Variants in UBE2H observed in about 807,000 individuals in gnomAD.
UBE2H encodes the protein ubiquitin-conjugating enzyme E2 H.
A neutral mutation model predicts 29.0 loss-of-function variants in UBE2H; 3 were observed. That is an observed-to-expected ratio of 0.10 (90% CI 0.05 to 0.27). The LOEUF (loss-of-function observed/expected upper bound fraction) is 0.27, where lower values mean the gene tolerates loss of function less well. Ranked by LOEUF, UBE2H falls within the 10% of genes least tolerant of loss-of-function variation. The pLI is 1.00. For synonymous variants in UBE2H, 69 were observed against 82.9 expected, an observed-to-expected ratio of 0.83 and a Z score of 0.91; for missense variants, 68 against 228.2, an observed-to-expected ratio of 0.30 and a Z score of 4.52.
chr7:129,868,791 T>C (rs978201764), intron 3 of UBE2H, among the ~76,000 whole-genome samples: 1 of 152,122 alleles, frequency 6.6e-6, no homozygotes, highest in Non-Finnish European at 1.5e-5. Flanking sequence ...AGGTTTCACA[T>C]TAAAAGGGCC....
intron 3 of UBE2H, among the ~76,000 whole-genome samples, chr7:129,872,363 G>C (rs948112561): frequency 1.3e-5 from 2 of 151,998 alleles, no homozygotes; most frequent in Non-Finnish European, 2.9e-5. Context: ...AGATAAAATG[G>C]TAAGTATTCT....
At chr7:129,944,744 A>G (rs574850401) in intron 1 of UBE2H, among the ~76,000 whole-genome samples, 2,892 of 138,564 alleles carry the variant, frequency 0.021, 94 homozygotes, top group African/African-American at 0.072. Flanking sequence ...ACACACACAC[A>G]CACACACGCA....
At chr7:129,837,094 C>T (rs373333550) in intron 6 of UBE2H, among the ~76,000 whole-genome samples, 2 of 152,106 alleles carry the variant, frequency 1.3e-5, no homozygotes, top group African/African-American at 4.8e-5. Flanking sequence ...TAATACAGCG[C>T]CAACTAAATA....
intron 1 of UBE2H, among the ~76,000 whole-genome samples, chr7:129,893,821 C>T (rs1392889144): frequency 2.6e-5 from 4 of 152,240 alleles, no homozygotes; most frequent in Non-Finnish European, 2.9e-5. Context: ...AGTATATTAG[C>T]TAAATAGTAT....
chr7:129,950,328 A>G (rs1807848837), intron 1 of UBE2H, among the ~76,000 whole-genome samples: 1 of 152,198 alleles, frequency 6.6e-6, no homozygotes, highest in African/African-American at 2.4e-5. Context: ...AAAGAACAGA[A>G]GGCCAATGCA....
intron 3 of UBE2H, among the ~76,000 whole-genome samples, chr7:129,874,509 C>T (rs1806106222): frequency 6.6e-6 from 1 of 152,098 alleles, no homozygotes; most frequent in Non-Finnish European, 1.5e-5. Context: ...CGGGGTTTCA[C>T]TGTGTTAGCC....
intron 2 of UBE2H, among the ~76,000 whole-genome samples, chr7:129,879,983 A>G (rs780845905): frequency 1.1e-4 from 17 of 152,124 alleles, no homozygotes; most frequent in Non-Finnish European, 2.1e-4. Context: ...CAAAAAGAAA[A>G]CAACAAAAAA....
chr7:129,946,511 C>T (rs936912298), intron 1 of UBE2H, among the ~76,000 whole-genome samples: 1 of 152,068 alleles, frequency 6.6e-6, no homozygotes, highest in African/African-American at 2.4e-5. Context: ...CATTTAAGGC[C>T]AACAGTTCTT....
At chr7:129,941,719 G>C (rs1172367784) in intron 1 of UBE2H, among the ~76,000 whole-genome samples, 1 of 134,506 alleles carries the variant, frequency 7.4e-6, no homozygotes, top group Admixed American at 8.3e-5. Flanking sequence ...TTACAAGCAT[G>C]AGCCACTGAA....
chr7:129,838,859 G>T (rs999728446), intron 6 of UBE2H, among the ~76,000 whole-genome samples: 1 of 152,110 alleles, frequency 6.6e-6, no homozygotes, highest in African/African-American at 2.4e-5. Context: ...GGCTGGTCTC[G>T]ATCTCCTGAC....
chr7:129,948,911 C>A, intron 1 of UBE2H: 1 of 397,918 alleles, frequency 2.5e-6, no homozygotes, highest in Middle Eastern at 3.5e-4. Context: ...AGAGGGCCTC[C>A]CCAGCCCCCA....
At chr7:129,838,577 T>C (rs569478902) in intron 6 of UBE2H, among the ~76,000 whole-genome samples, 1 of 152,324 alleles carries the variant, frequency 6.6e-6, no homozygotes, top group East Asian at 1.9e-4. Context: ...CTTTTCACTA[T>C]GAAAGTTCTG....
Position 129,834,426 on chromosome 7 carries a change from CA to C in UBE2H, c.*510del, listed in dbSNP as rs1469271984. Reference sequence around the variant, plus strand: ...AAGACATAGGGCCACCTAGGATTCACAGGAAGGAGCAGCTCTGATTCTTACA... The same window carrying C: ...AAGACATAGGGCCACCTAGGATTCACGGAAGGAGCAGCTCTGATTCTTACA... On this transcript the variant is annotated 3_prime_UTR_variant, in exon 7 of 7. Coordinates refer to ENST00000355621, the MANE Select transcript of UBE2H (RefSeq NM_003344.4). 1 of 153,188 alleles carries C rather than the reference CA, an allele frequency of 6.5e-6. No individual in the cohort carries two copies. The highest frequency in any genetic ancestry group is 6.5e-5 in the Admixed American group (1 of 15,310). The allele number at this position is 153,188 out of a possible 1,614,324, so 9.5% of individuals were successfully genotyped here. A position where few individuals can be genotyped will look rare whatever the true frequency, so the allele number is the denominator to read the frequency against.
chr7:129,894,545 T>C (rs1014683306), intron 1 of UBE2H, among the ~76,000 whole-genome samples: 3 of 145,790 alleles, frequency 2.1e-5, no homozygotes, highest in Admixed American at 7.2e-5. Flanking sequence ...TGGAGTGCAA[T>C]GGCATGATCT....
intron 5 of UBE2H, among the ~76,000 whole-genome samples, chr7:129,847,818 T>C (rs1584741255): frequency 6.6e-6 from 1 of 152,076 alleles, no homozygotes; most frequent in Non-Finnish European, 1.5e-5. Flanking sequence ...AGGGAGTAGG[T>C]TGACTCTAAC....
intron 1 of UBE2H, among the ~76,000 whole-genome samples, chr7:129,890,358 C>T (rs1364651121): frequency 6.6e-6 from 1 of 151,058 alleles, no homozygotes; most frequent in Non-Finnish European, 1.5e-5. Context: ...TGTATATATA[C>T]ACATATATAT....
chr7:129,944,749 C>T (rs1253868123), intron 1 of UBE2H, among the ~76,000 whole-genome samples: 13 of 107,908 alleles, frequency 1.2e-4, no homozygotes, highest in African/African-American at 6.1e-4. Context: ...CACACACACA[C>T]ACGCACGCAC....
intron 5 of UBE2H, among the ~76,000 whole-genome samples, chr7:129,844,229 T>C (rs1019231888): frequency 3.3e-5 from 5 of 152,138 alleles, no homozygotes; most frequent in Non-Finnish European, 5.9e-5. Flanking sequence ...AGATGACAAC[T>C]TCGGGAGGCC....
intron 1 of UBE2H, among the ~76,000 whole-genome samples, chr7:129,934,638 TAAAA>T (rs758214225): frequency 1.7e-4 from 11 of 65,840 alleles, no homozygotes; most frequent in Admixed American, 3.9e-4. Context: ...ACTCCGTCTT[TAAAA>T]AAAAAAAAAA....
Sources: gnomAD v4.1 joint callset for allele counts (sites outside exome capture counted in the v4.1 genomes callset) on GRCh38, gnomAD v4.1.1 for gene constraint, MANE v1.5 for transcripts, NCBI Gene and HGNC (gene_info 2026-07-23, HGNC 2026-07-21) for gene names.